The following CD209 variants were observed in gnomAD, a reference collection of about 807,000 sequenced individuals.
CD209 encodes CD209 antigen.
Under a neutral mutation model 44.7 loss-of-function variants are expected in CD209, and 31 were observed. The observed-to-expected ratio is 0.69, with a 90% confidence interval of 0.52 to 0.94. CD209 has a LOEUF of 0.94. CD209 is among the 40% of genes least tolerant of loss of function. The pLI is 0.00. For missense variants in CD209, 407 were observed against 452.4 expected, an observed-to-expected ratio of 0.90 and a Z score of 0.91; for synonymous variants, 173 against 181.3, an observed-to-expected ratio of 0.95 and a Z score of 0.37.
chr19:7,745,037 G>A lies in CD209; in HGVS notation c.804C>T (p.Tyr268=). The A allele has an allele frequency of 6.2e-7, 1 of 1,614,220 alleles. No homozygotes were observed. Among genetic ancestry groups the A allele is most frequent in the Non-Finnish European group, 8.5e-7 (1 of 1,180,048 alleles). Residue 268 remains tyrosine (Y), a synonymous_variant, in exon 5 of 7, where the codon TAC becomes TAT. Transcript: ENST00000315599. ...AGTTCCGCTGGGAGTTAGACATGAA[G>A]TAACAGTTTCCTTGGAAGAATGTCC... ...WEWTFFQGNC[Y]FMSNSQRNWH...
chr19:7,744,211 T>C lies in CD209; in HGVS notation c.909A>G (p.Leu303=). ...VIKSAEEQNF[L]QLQSSRSNRF... is the part of the protein sequence containing the mutation. ...GGTTACTTCTGGAAGACTGCAGCTG[T>C]AGGAAGTTCTGGAGGGTACAGGAGG... Residue 303 remains leucine (L), a synonymous_variant, in exon 6 of 7, where the codon CTA becomes CTG. Coordinates refer to ENST00000315599, the MANE Select transcript of CD209 (RefSeq NM_021155.4). 6.2e-7 allele frequency: 1 copy of C among 1,612,984 alleles called. No individual in the cohort carries two copies.
intron 4 of CD209, 97 bp downstream of exon 4, chr19:7,745,421 A>T (rs2146322419): frequency 6.2e-7 from 1 of 1,603,934 alleles, no homozygotes; most frequent in Admixed American, 1.7e-5. Context: ...CATTTCACAG[A>T]TGAGGAAACT....
rs763608847 is a variant in CD209 at position 7,746,514 on chromosome 19, G to A, written c.124C>T (p.Pro42Ser). The A allele has an allele frequency of 1.9e-6, 3 of 1,613,666 alleles. No individual in the cohort carries two copies. The highest frequency in any genetic ancestry group is 1.6e-4 in the Middle Eastern group (1 of 6,080). Residue 42 changes from proline (P) to serine (S), a missense_variant, in exon 3 of 7, where the codon CCC (proline) becomes TCC (serine). Coordinates refer to ENST00000315599, the MANE Select transcript of CD209 (RefSeq NM_021155.4). ...KSLAGCLGHG[P>S]LVLQLLSFTL... ...AAGGAGAGGAGTTGCAGCACCAGGG[G>A]ACCATGGCCAAGACACCCTGAGAGA...
Position 7,741,038 on chromosome 19 carries a change from T to TA in CD209, c.*2000_*2001insT. On this transcript the variant is annotated 3_prime_UTR_variant, in exon 7 of 7. Transcript: ENST00000315599. ...CCAACATCCAGTCCTACCCTTCTTA[T>TA]TAAAAGCATGTTTACAGTGTTTGGA... is the stretch of plus-strand genomic sequence containing the variant. 1.3e-6 allele frequency: 1 copy of TA among 763,776 alleles called. No individual in the cohort carries two copies. Among genetic ancestry groups the TA allele is most frequent in the Non-Finnish European group, 2.3e-6 (1 of 435,892 alleles). The allele number at this position is 763,776 out of a possible 1,614,324, so 47.3% of individuals were successfully genotyped here.
chr19:7,747,442 C>G, intron 1 of CD209, 24 bp downstream of exon 1: 2 of 1,614,254 alleles, frequency 1.2e-6, no homozygotes, highest in South Asian at 2.2e-5. Flanking sequence ...TTCCCAGAAT[C>G]CCAGCGTCCC....
At chr19:7,743,572 A>G (rs2033689399) in intron 6 of CD209, among the ~76,000 whole-genome samples, 6 of 152,168 alleles carry the variant, frequency 3.9e-5, no homozygotes, top group Admixed American at 3.9e-4. Flanking sequence ...GCCAGGTGTC[A>G]GACAGCGAGG....
At position 7,746,472 on chromosome 19, in the gene CD209, G is replaced by C. The variant is rs758212726; in HGVS notation, c.166C>G (p.Leu56Val). The change falls in exon 3 of 7, where the codon CTC (leucine) becomes GTC (valine). Residue 56 changes from leucine (L) to valine (V), a missense_variant. Transcript: ENST00000315599. ...QLLSFTLLAGLLVQVSKVPSS... is the reference protein window; with the variant it reads ...QLLSFTLLAGVLVQVSKVPSS... Reference sequence around the variant, plus strand: ...ACCTGCCCCTGACCTTGGACAAGGAGCCCAGCCAAGAGCGTGAAGGAGAGG... The same window carrying C: ...ACCTGCCCCTGACCTTGGACAAGGACCCCAGCCAAGAGCGTGAAGGAGAGG... 8.7e-6 allele frequency: 14 copies of C among 1,612,136 alleles called. No homozygotes were observed. Among genetic ancestry groups the C allele is most frequent in the Non-Finnish European group, 1.1e-5 (13 of 1,178,588 alleles).
At position 7,742,540 on chromosome 19, in the gene CD209, T is replaced by C. The variant is rs1044752843; in HGVS notation, c.*499A>G. The stretch of plus-strand genomic sequence containing the variant: ...AAGCCATGTATAAGACAAAGGAAGA[T>C]GTGGGGGTGGAAGGGGTTGCGTGGA... On this transcript the variant is annotated 3_prime_UTR_variant, in exon 7 of 7. Coordinates refer to ENST00000315599, the MANE Select transcript of CD209 (RefSeq NM_021155.4). 1 of 161,152 alleles carries C rather than the reference T, an allele frequency of 6.2e-6. No individual in the cohort carries two copies. Among genetic ancestry groups the C allele is most frequent in the Non-Finnish European group, 1.4e-5 (1 of 72,772 alleles). 10.0% of individuals were successfully genotyped at this position (161,152 alleles called of 1,614,324 possible).
intron 3 of CD209, 160 bp from the exon 4 acceptor site, chr19:7,746,247 C>T: frequency 2.5e-6 from 3 of 1,192,990 alleles, no homozygotes; most frequent in Non-Finnish European, 3.5e-6. Context: ...GCACAGAAGG[C>T]CAAGGAGAGC....
At position 7,744,186 on chromosome 19, in the gene CD209, G is replaced by T; in HGVS notation, c.934C>A (p.Arg312Ser). 1 of 1,614,106 alleles carries T rather than the reference G, an allele frequency of 6.2e-7. No homozygotes were observed. Among genetic ancestry groups the T allele is most frequent in the Admixed American group, 1.7e-5 (1 of 60,018 alleles). The change falls in exon 6 of 7, where the codon CGC (arginine) becomes AGC (serine). Residue 312 changes from arginine to serine, a missense_variant. Around this residue, in one of 3 missense-constraint regions of CD209, gnomAD observed 200 missense variants for 202.2 expected, o/e 0.99. Transcript: ENST00000315599. ...TCTGAAAGTCCCATCCAGGTGAAGC[G>T]GTTACTTCTGGAAGACTGCAGCTGT... ...FLQLQSSRSN[R>S]FTWMGLSDLN...
At position 7,743,174 on chromosome 19, in the gene CD209, A is replaced by T. The variant is rs750442689; in HGVS notation, c.1080T>A (p.Ser360Arg). 6.2e-7 allele frequency: 1 copy of T among 1,614,150 alleles called. No homozygotes were observed. The highest frequency in any genetic ancestry group is 8.5e-7 in the Non-Finnish European group (1 of 1,180,016). Residue 360 changes from serine to arginine, a missense_variant, in exon 7 of 7, where the codon AGT becomes AGA. By Grantham distance (110) the Ser-to-Arg change is moderately radical. Transcript: ENST00000315599. ...NVGEEDCAEF[S>R]GNGWNDDKCN... ...ATTTGTCGTCGTTCCAGCCATTGCC[A>T]CTAAATTCCGCGCAGTCTTCCTCCC...
rs113300854 is a variant in CD209 at position 7,740,281 on chromosome 19, G to A, written c.*2758C>T. On this transcript the variant is annotated 3_prime_UTR_variant, in exon 7 of 7. Transcript: ENST00000315599. ...GGTTCCACGTGGATTTGCACGCTTC[G>A]TTCATCTGGACATGCCCAGGGTATG... 10 of 446,468 alleles carry A rather than the reference G, an allele frequency of 2.2e-5. No homozygotes were observed. The highest frequency in any genetic ancestry group is 1.4e-4 in the South Asian group (6 of 42,730). 27.7% of individuals were successfully genotyped at this position (446,468 alleles called of 1,614,324 possible). A position where few individuals can be genotyped will look rare whatever the true frequency, so the allele number is the denominator to read the frequency against.
Position 7,747,528 on chromosome 19 carries a change from C to A in CD209, c.-17G>T, listed in dbSNP as rs763068172. ...GTCACTCATGTCACCCCACTCTCCC[C>A]CAGTGTCCAGAACTCCTGGGGGCCA... On this transcript the variant is annotated 5_prime_UTR_variant, in exon 1 of 7. Coordinates refer to ENST00000315599, the MANE Select transcript of CD209 (RefSeq NM_021155.4). 2.0e-5 allele frequency: 33 copies of A among 1,614,126 alleles called. No individual in the cohort carries two copies. Among genetic ancestry groups the A allele is most frequent in the Non-Finnish European group, 8.5e-7 (1 of 1,180,038 alleles).
Position 7,741,947 on chromosome 19 carries a change from C to A in CD209, c.*1092G>T. 1 of 387,742 alleles carries A rather than the reference C, an allele frequency of 2.6e-6. No homozygotes were observed. The highest frequency in any genetic ancestry group is 5.1e-6 in the Non-Finnish European group (1 of 195,558). The allele number at this position is 387,742 out of a possible 1,614,324, so 24.0% of individuals were successfully genotyped here. A position where few individuals can be genotyped will look rare whatever the true frequency, so the allele number is the denominator to read the frequency against. On this transcript the variant is annotated 3_prime_UTR_variant, in exon 7 of 7. Coordinates refer to ENST00000315599, the MANE Select transcript of CD209 (RefSeq NM_021155.4). ...AAGGAAAAGGAAGAAATCTCACTAG[C>A]ACATGTCAAAGAGCCAGGAGAGGCA...
chr19:7,741,797 T>C lies in CD209; in HGVS notation c.*1242A>G, dbSNP rs959431587. ...GAGAAATCCAATAGAGACCTCTGCT[T>C]GTCTCCTCCTTTGGCAAGAGCTCCA... On this transcript the variant is annotated 3_prime_UTR_variant, in exon 7 of 7. Coordinates refer to ENST00000315599, the MANE Select transcript of CD209 (RefSeq NM_021155.4). 3.9e-6 allele frequency: 2 copies of C among 509,538 alleles called. No homozygotes were observed. The highest frequency in any genetic ancestry group is 2.4e-5 in the Admixed American group (1 of 41,818). 31.6% of individuals were successfully genotyped at this position (509,538 alleles called of 1,614,324 possible).
In CD209 at chr19:7,742,606, A is replaced by G. The variant is rs2033650899; in HGVS notation, c.*433T>C. The stretch of plus-strand genomic sequence containing the variant: ...CTGGGTGCCATTGGTTGACTGGGGG[A>G]ATTAATTCCCTGGTGCTTCCAGCCT... On this transcript the variant is annotated 3_prime_UTR_variant, in exon 7 of 7. Transcript: ENST00000315599. The G allele has an allele frequency of 5.3e-6, 1 of 188,126 alleles. No homozygotes were observed. The highest frequency in any genetic ancestry group is 1.1e-5 in the Non-Finnish European group (1 of 88,990). 11.7% of individuals were successfully genotyped at this position (188,126 alleles called of 1,614,324 possible).
At position 7,747,533 on chromosome 19, in the gene CD209, G is replaced by C; in HGVS notation, c.-22C>G. The C allele has an allele frequency of 6.2e-7, 1 of 1,613,814 alleles. No homozygotes were observed. Among genetic ancestry groups the C allele is most frequent in the Non-Finnish European group, 8.5e-7 (1 of 1,179,832 alleles). On this transcript the variant is annotated 5_prime_UTR_variant, in exon 1 of 7. Transcript: ENST00000315599. ...TCATGTCACCCCACTCTCCCCCAGTGTCCAGAACTCCTGGGGGCCACAGCT... is the reference window on the plus strand; with the variant it reads ...TCATGTCACCCCACTCTCCCCCAGTCTCCAGAACTCCTGGGGGCCACAGCT...
intron 5 of CD209, 101 bp downstream of exon 5, chr19:7,744,840 G>T: frequency 6.7e-7 from 1 of 1,484,754 alleles, no homozygotes. Flanking sequence ...CTTTCCAAGT[G>T]GAGCAAAACC....
At chr19:7,743,427 G>A (rs1412579981) in intron 6 of CD209, among the ~76,000 whole-genome samples, 187 bp from the exon 7 acceptor site, 1 of 151,950 alleles carries the variant, frequency 6.6e-6, no homozygotes, top group Non-Finnish European at 1.5e-5. Flanking sequence ...CTCACAACCT[G>A]TCCTTGGGTG....
Sources: gnomAD v4.1 joint callset for allele counts (sites outside exome capture counted in the v4.1 genomes callset) on GRCh38, gnomAD v4.1.1 for gene constraint, gnomAD v4.1.1 regional missense constraint, MANE v1.5 for transcripts, NCBI Gene and HGNC (gene_info 2026-07-23, HGNC 2026-07-21) for gene names.